The following TSHZ2 variants were observed in gnomAD, a reference collection of about 807,000 sequenced individuals.
The protein encoded by TSHZ2 is teashirt zinc finger homeobox 2, also known as teashirt homolog 2.
TSHZ2 carries 21 observed loss-of-function variants against 74.4 expected under a neutral mutation model. That is an observed-to-expected ratio of 0.28 (90% confidence interval 0.20 to 0.41). TSHZ2 has a LOEUF of 0.41. Among genes scored for constraint, TSHZ2 ranks in the 10% least tolerant of loss-of-function variants. The probability of loss-of-function intolerance (pLI) is 1.00; values close to 1 mark genes in which losing one functional copy is unlikely to be tolerated. For missense variants in TSHZ2, 1,244 were observed against 1,293.5 expected (o/e 0.96, Z 0.59); for synonymous variants, 540 against 515.3 (o/e 1.05, Z -0.65).
intron 2 of TSHZ2, among the ~76,000 whole-genome samples, chr20:53,404,865 C>T (rs906061150): frequency 6.8e-6 from 1 of 146,308 alleles, no homozygotes; most frequent in Non-Finnish European, 1.5e-5. Context: ...AAGGGGAACA[C>T]CTTTGTTTAA....
intron 2 of TSHZ2, among the ~76,000 whole-genome samples, chr20:53,456,203 C>T (rs1232289313): frequency 6.7e-6 from 1 of 150,026 alleles, no homozygotes; most frequent in Non-Finnish European, 1.5e-5. Context: ...CCTATTTCTC[C>T]ACATCCTCTC....
intron 1 of TSHZ2, among the ~76,000 whole-genome samples, chr20:53,235,138 G>A (rs1449206662): frequency 5.9e-4 from 17 of 28,708 alleles, no homozygotes; most frequent in African/African-American, 3.8e-3. Flanking sequence ...TGGGCGGGGC[G>A]GGGGGGGGGG....
intron 1 of TSHZ2, among the ~76,000 whole-genome samples, chr20:53,202,996 A>G (rs1467623386): frequency 6.6e-6 from 1 of 152,132 alleles, no homozygotes; most frequent in Admixed American, 6.6e-5. Context: ...AGGCAGATCA[A>G]GGGACACAAT....
chr20:53,337,392 A>G (rs1245947698), intron 2 of TSHZ2, among the ~76,000 whole-genome samples: 1 of 152,182 alleles, frequency 6.6e-6, no homozygotes, highest in Non-Finnish European at 1.5e-5. Context: ...TGATTTTTTT[A>G]AAAAGTCCCT....
At position 53,253,976 on chromosome 20, in the gene TSHZ2, T is replaced by C. The variant is rs367906911; in HGVS notation, c.518T>C (p.Leu173Pro). Residue 173 changes from leucine to proline, a missense_variant, in exon 2 of 3, where the codon CTG becomes CCG. Transcript: ENST00000371497. Reference protein sequence around the residue: ...KSDFDWHQDALSKSLQQNLPS... With the variant: ...KSDFDWHQDAPSKSLQQNLPS... ...GATTTTGATTGGCACCAAGACGCTC[T>C]GTCCAAAAGCCTGCAGCAGAACTTG... 3.5e-5 allele frequency: 57 copies of C among 1,614,118 alleles called. No homozygotes were observed. Among genetic ancestry groups the C allele is most frequent in the Non-Finnish European group, 4.7e-5 (56 of 1,180,006 alleles).
chr20:53,181,541 A>G (rs1319953512), intron 1 of TSHZ2, among the ~76,000 whole-genome samples: 7 of 152,346 alleles, frequency 4.6e-5, no homozygotes, highest in Admixed American at 4.6e-4. Context: ...AGCATCTAAC[A>G]AATCAGGGGC....
chr20:53,068,339 G>A (rs1490290247), intron 1 of TSHZ2, among the ~76,000 whole-genome samples: 1 of 151,966 alleles, frequency 6.6e-6, no homozygotes, highest in Non-Finnish European at 1.5e-5. Flanking sequence ...TTCAAGTTTT[G>A]TTGTTGTCCT....
At chr20:53,189,609 C>A (rs1229654772) in intron 1 of TSHZ2, among the ~76,000 whole-genome samples, 2 of 152,160 alleles carry the variant, frequency 1.3e-5, no homozygotes, top group African/African-American at 4.8e-5. Context: ...GTATCCTCAT[C>A]CTCATCATCC....
In TSHZ2 at chr20:53,239,004, C is replaced by T. The variant is rs753732796; in HGVS notation, c.41-14495C>T. On this transcript the variant is annotated intron_variant, in intron 1 of 2. Transcript: ENST00000371497. ...CAGTAGGAAATGGATGGTGGTTAGA[C>T]GTAAACAGGAAAGAGTTCCCTCAAG... Among the ~76,000 whole-genome samples, 8 of 152,204 alleles carry T rather than the reference C, an allele frequency of 5.3e-5. No homozygotes were observed. The South Asian group carries it at 8.3e-4, about 16-fold the overall frequency.
chr20:53,269,797 TAAAAAA>T (rs55746415), intron 2 of TSHZ2, among the ~76,000 whole-genome samples: 1 of 144,386 alleles, frequency 6.9e-6, no homozygotes, highest in African/African-American at 2.6e-5. Context: ...TAGAGTATAA[TAAAAAA>T]AAAAGAAAAG....
chr20:53,371,917 T>C (rs532401899), intron 2 of TSHZ2, among the ~76,000 whole-genome samples: 1 of 148,788 alleles, frequency 6.7e-6, no homozygotes, highest in East Asian at 2.0e-4. Flanking sequence ...CAGGACATGC[T>C]CCCTCAGAAG....
chr20:53,338,974 G>A (rs1443062291), intron 2 of TSHZ2, among the ~76,000 whole-genome samples: 3 of 152,176 alleles, frequency 2.0e-5, no homozygotes, highest in Non-Finnish European at 4.4e-5. Context: ...GCACAGACGT[G>A]TTGGCCAATG....
At chr20:53,110,562 TA>T (rs533471028) in intron 1 of TSHZ2, among the ~76,000 whole-genome samples, 150 of 150,762 alleles carry the variant, frequency 9.9e-4, no homozygotes, top group Non-Finnish European at 1.8e-3. Flanking sequence ...AGTTACATAA[TA>T]AAAAAAAATG....
At chr20:53,139,462 AT>A (rs1355341567) in intron 1 of TSHZ2, among the ~76,000 whole-genome samples, 6 of 152,154 alleles carry the variant, frequency 3.9e-5, no homozygotes, top group Non-Finnish European at 8.8e-5. Context: ...TTTAAAAAGT[AT>A]TTGCCCTGCG....
intron 1 of TSHZ2, among the ~76,000 whole-genome samples, chr20:53,122,507 A>G (rs575904916): frequency 6.6e-6 from 1 of 152,180 alleles, no homozygotes; most frequent in South Asian, 2.1e-4. Context: ...TTCAATTTTA[A>G]TCTTTTACGG....
chr20:53,055,174 A>G (rs528158315), intron 1 of TSHZ2, among the ~76,000 whole-genome samples: 2 of 152,300 alleles, frequency 1.3e-5, no homozygotes, highest in African/African-American at 4.8e-5. Flanking sequence ...CCCTCTATCC[A>G]CACCATTGTC....
intron 1 of TSHZ2, among the ~76,000 whole-genome samples, chr20:53,206,361 A>G (rs1989167767): frequency 6.6e-6 from 1 of 152,258 alleles, no homozygotes; most frequent in Non-Finnish European, 1.5e-5. Context: ...TACAGTAGCC[A>G]TTATTACTAA....
At chr20:53,228,886 C>A (rs965116877) in intron 1 of TSHZ2, among the ~76,000 whole-genome samples, 7 of 152,212 alleles carry the variant, frequency 4.6e-5, no homozygotes, top group African/African-American at 1.7e-4. Context: ...AAAGACACAG[C>A]TTCCCTCCAC....
At chr20:53,221,648 G>A (rs1226232952) in intron 1 of TSHZ2, among the ~76,000 whole-genome samples, 5 of 152,308 alleles carry the variant, frequency 3.3e-5, no homozygotes, top group Non-Finnish European at 1.5e-5. Flanking sequence ...GGTAAACACA[G>A]ATAGAAAGAG....
Sources: gnomAD v4.1 joint callset for allele counts (sites outside exome capture counted in the v4.1 genomes callset) on GRCh38, gnomAD v4.1.1 for gene constraint, MANE v1.5 for transcripts, NCBI Gene and HGNC (gene_info 2026-07-23, HGNC 2026-07-21) for gene names.